The following FRMD3 variants were observed in gnomAD, a reference collection of about 807,000 sequenced individuals.
FRMD3 encodes the protein FERM domain-containing protein 3.
A neutral mutation model predicts 70.2 loss-of-function variants in FRMD3; 33 were observed. That is an observed-to-expected ratio of 0.47 (90% confidence interval 0.36 to 0.63). The LOEUF is 0.63. Among genes scored for constraint, FRMD3 ranks in the 20% least tolerant of loss-of-function variants. The probability of loss-of-function intolerance (pLI) is 0.00; values close to 1 mark genes in which losing one functional copy is unlikely to be tolerated. For synonymous variants in FRMD3, 279 were observed against 255.9 expected, an observed-to-expected ratio of 1.09 and a Z score of -0.86; for missense variants, 632 against 711.4, an observed-to-expected ratio of 0.89 and a Z score of 1.27.
At chr9:83,314,468 C>G (rs993970765) in intron 6 of FRMD3, among the ~76,000 whole-genome samples, 5 of 152,124 alleles carry the variant, frequency 3.3e-5, no homozygotes, top group East Asian at 1.9e-4. Context: ...TTCTAGCAAC[C>G]AAGCAGAGAA....
At position 83,252,483 on chromosome 9, in the gene FRMD3, C is replaced by T. The variant is rs146545294; in HGVS notation, c.1196-3967G>A. Among the ~76,000 whole-genome samples the T allele has an allele frequency of 8.5e-3, 1,294 of 152,178 alleles. 18 individuals are homozygous for T. The highest frequency in any genetic ancestry group is 0.028 in the African/African-American group (1,178 of 41,540). ...ATAAACAAGTCTGCAAAATAACCAA[C>T]TAGCATCATGACAGGATCAAATTCA... On this transcript the variant is annotated intron_variant, in intron 13 of 13. Coordinates refer to ENST00000304195, the MANE Select transcript of FRMD3 (RefSeq NM_174938.6).
intron 1 of FRMD3, among the ~76,000 whole-genome samples, chr9:83,444,430 A>G (rs1827396530): frequency 6.6e-6 from 1 of 152,254 alleles, no homozygotes; most frequent in Non-Finnish European, 1.5e-5. Flanking sequence ...CATGCCAGGA[A>G]TAAGCTAAGT....
intron 1 of FRMD3, among the ~76,000 whole-genome samples, chr9:83,496,178 A>T (rs1354260991): frequency 6.6e-6 from 1 of 152,234 alleles, no homozygotes; most frequent in East Asian, 1.9e-4. Flanking sequence ...TAAAGGCATG[A>T]TTTCACATGA....
intron 1 of FRMD3, among the ~76,000 whole-genome samples, chr9:83,460,749 C>T (rs938951773): frequency 6.6e-6 from 1 of 152,134 alleles, no homozygotes; most frequent in East Asian, 1.9e-4. Flanking sequence ...ATCTGTTTTT[C>T]CCTTGCCCTT....
chr9:83,420,598 G>A (rs889008197), intron 1 of FRMD3, among the ~76,000 whole-genome samples: 1 of 152,148 alleles, frequency 6.6e-6, no homozygotes, highest in Non-Finnish European at 1.5e-5. Context: ...TATTATCATT[G>A]ATATGGTTTG....
At position 83,350,172 on chromosome 9, in the gene FRMD3, G is replaced by GA. The variant is rs143570962; in HGVS notation, c.296-416dup. Among the ~76,000 whole-genome samples the GA allele has an allele frequency of 5.9e-3, 886 of 150,514 alleles. 9 individuals carry two copies. The highest frequency in any genetic ancestry group is 0.02 in the African/African-American group (825 of 41,052). On this transcript the variant is annotated intron_variant, in intron 3 of 13. Coordinates refer to ENST00000304195, the MANE Select transcript of FRMD3 (RefSeq NM_174938.6). ...AAAGATTTTTTTAGCCTGTGAGGTG[G>GA]AAAAAAAAATGTCACTGCACATGAC...
chr9:83,438,023 G>A (rs748699100), intron 1 of FRMD3, among the ~76,000 whole-genome samples: 41 of 152,024 alleles, frequency 2.7e-4, no homozygotes, highest in Non-Finnish European at 5.3e-4. Flanking sequence ...CCCACACACC[G>A]GCTGTTTTGG....
At chr9:83,440,967 T>C (rs1270314670) in intron 1 of FRMD3, among the ~76,000 whole-genome samples, 4 of 152,180 alleles carry the variant, frequency 2.6e-5, no homozygotes, top group Non-Finnish European at 4.4e-5. Flanking sequence ...ATGAGACTTG[T>C]TTCGGCCAAT....
At chr9:83,441,951 G>A (rs1028531043) in intron 1 of FRMD3, among the ~76,000 whole-genome samples, 12 of 152,084 alleles carry the variant, frequency 7.9e-5, no homozygotes, top group East Asian at 1.9e-4. Flanking sequence ...GAAATATGTC[G>A]GACTACTGAA....
intron 1 of FRMD3, among the ~76,000 whole-genome samples, chr9:83,449,530 G>C (rs1385546224): frequency 6.6e-6 from 1 of 152,308 alleles, no homozygotes; most frequent in East Asian, 1.9e-4. Flanking sequence ...AGAAATCACA[G>C]TGAGGTTTCT....
chr9:83,259,218 C>T (rs1832869710), intron 13 of FRMD3, among the ~76,000 whole-genome samples: 1 of 152,184 alleles, frequency 6.6e-6, no homozygotes, highest in East Asian at 1.9e-4. Flanking sequence ...ATTATCCATA[C>T]AGATGGAACA....
chr9:83,571,482 G>A, the FRMD3 span, among the ~76,000 whole-genome samples: 2 of 152,176 alleles, frequency 1.3e-5, no homozygotes, highest in East Asian at 1.9e-4. Context: ...AAATAGTGAC[G>A]ACTGCAGGAA....
intron 6 of FRMD3, among the ~76,000 whole-genome samples, chr9:83,332,840 TCAC>T (rs1407237127): frequency 6.6e-6 from 1 of 152,004 alleles, no homozygotes; most frequent in Admixed American, 6.6e-5. Context: ...AGTGGGAGGG[TCAC>T]GGGTGTTGTG....
At chr9:83,325,359 C>CT (rs1835970111) in intron 6 of FRMD3, among the ~76,000 whole-genome samples, 2 of 152,142 alleles carry the variant, frequency 1.3e-5, no homozygotes, top group Admixed American at 1.3e-4. Context: ...CAGGGTCTCA[C>CT]TCTATCGCCC....
intron 1 of FRMD3, among the ~76,000 whole-genome samples, chr9:83,479,779 G>A (rs1430921165): frequency 4.7e-4 from 10 of 21,496 alleles, no homozygotes; most frequent in African/African-American, 1.8e-3. Flanking sequence ...GGGAGGGAGG[G>A]AGGGAGGGAA....
At chr9:83,369,781 A>G (rs1297286950) in intron 3 of FRMD3, among the ~76,000 whole-genome samples, 1 of 152,040 alleles carries the variant, frequency 6.6e-6, no homozygotes, top group Non-Finnish European at 1.5e-5. Flanking sequence ...AAGGACTTAT[A>G]TATGTTGGGG....
At chr9:83,571,784 T>C in the FRMD3 span, among the ~76,000 whole-genome samples, 4 of 152,228 alleles carry the variant, frequency 2.6e-5, no homozygotes, top group African/African-American at 7.2e-5. Flanking sequence ...AGATCATTCT[T>C]GACCTTGACA....
chr9:83,570,098 G>A, the FRMD3 span, among the ~76,000 whole-genome samples: 785 of 152,172 alleles, frequency 5.2e-3, 5 homozygotes, highest in Non-Finnish European at 8.7e-3. Context: ...CATCTCCTCC[G>A]CTTACCTTCA....
intron 1 of FRMD3, among the ~76,000 whole-genome samples, chr9:83,412,680 T>G (rs1826313488): frequency 6.6e-6 from 1 of 152,154 alleles, no homozygotes; most frequent in Non-Finnish European, 1.5e-5. Flanking sequence ...GACTAAAGGA[T>G]GCTTTAAAAA....
Sources: allele counts gnomAD v4.1 joint callset (sites outside exome capture counted in the v4.1 genomes callset), GRCh38; gene constraint gnomAD v4.1.1; transcripts MANE v1.5; gene names NCBI Gene and HGNC (gene_info 2026-07-23, HGNC 2026-07-21).